Variants in EVX2 observed in about 807,000 individuals in gnomAD.
The protein encoded by EVX2 is even-skipped homeobox 2.
A neutral mutation model predicts 19.2 loss-of-function variants in EVX2; 10 were observed. That is an observed-to-expected ratio of 0.52 (90% CI 0.32 to 0.89). EVX2 has a LOEUF of 0.89. Among genes scored for constraint, EVX2 ranks in the 40% least tolerant of loss-of-function variants. The pLI, the probability that EVX2 is intolerant of heterozygous loss-of-function variation, is 0.03. For synonymous variants in EVX2, 354 were observed against 328.4 expected, an observed-to-expected ratio of 1.08 and a Z score of -0.84; for missense variants, 710 against 694.9, an observed-to-expected ratio of 1.02 and a Z score of -0.24.
rs897230731 is a variant in EVX2 at position 176,079,133 on chromosome 2, C to G, written c.*974G>C. The G allele has an allele frequency of 6.6e-6, 1 of 152,216 alleles. No homozygotes were observed. Among genetic ancestry groups the G allele is most frequent in the Non-Finnish European group, 1.5e-5 (1 of 68,088 alleles). The allele number at this position is 152,216 out of a possible 1,614,324, so 9.4% of individuals were successfully genotyped here. A position where few individuals can be genotyped will look rare whatever the true frequency, so the allele number is the denominator to read the frequency against. ...GATAATATTAATATATCTAGAGATTCAAGTATTTCCCAGATCGAGTGGAAC... is the reference window on the plus strand; with the variant it reads ...GATAATATTAATATATCTAGAGATTGAAGTATTTCCCAGATCGAGTGGAAC... On this transcript the variant is annotated 3_prime_UTR_variant, in exon 3 of 3. Coordinates refer to ENST00000308618, the MANE Select transcript of EVX2 (RefSeq NM_001080458.2). The surrounding 1 kb of genome is among the most constrained non-coding windows in gnomAD (Gnocchi z 4.4).
rs1189785093 is a variant in EVX2 at position 176,082,584 on chromosome 2, A to C, written c.428-135T>G. 1.0e-6 allele frequency: 1 copy of C among 965,988 alleles called. No homozygotes were observed. The highest frequency in any genetic ancestry group is 3.1e-5 in the East Asian group (1 of 32,654). 59.8% of individuals were successfully genotyped at this position (965,988 alleles called of 1,614,324 possible). On this transcript the variant is annotated intron_variant, in intron 1 of 2. Coordinates refer to ENST00000308618, the MANE Select transcript of EVX2 (RefSeq NM_001080458.2). The surrounding 1 kb of genome is among the most constrained non-coding windows in gnomAD (Gnocchi z 5.2). ...AATTGATGGGGTCTGTCATGCTTACAAATTGCTGCCGTTAATGGAATCAAT... is the reference window on the plus strand; with the variant it reads ...AATTGATGGGGTCTGTCATGCTTACCAATTGCTGCCGTTAATGGAATCAAT...
At position 176,083,660 on chromosome 2, in the gene EVX2, G is replaced by A. The variant is rs1689181634; in HGVS notation, c.117C>T (p.Ala39=). ...SNSAGNAVLE[A]LENSQHPARL... ...GAGCCGGGTGCTGCGAATTTTCCAG[G>A]GCCTCGAGCACAGCATTGCCAGCCG... Residue 39 remains alanine (A), a synonymous_variant, in exon 1 of 3, where the codon GCC becomes GCT. Coordinates refer to ENST00000308618, the MANE Select transcript of EVX2 (RefSeq NM_001080458.2). The surrounding 1 kb of genome is among the most constrained non-coding windows in gnomAD (Gnocchi z 4.4). 6.2e-7 allele frequency: 1 copy of A among 1,614,048 alleles called. No individual in the cohort carries two copies. The highest frequency in any genetic ancestry group is 1.1e-5 in the South Asian group (1 of 91,092).
At position 176,080,157 on chromosome 2, in the gene EVX2, TCTTA is replaced by T; in HGVS notation, c.1377_1380del (p.Ser459ArgfsTer4). 1 of 1,542,332 alleles carries T rather than the reference TCTTA, an allele frequency of 6.5e-7. No individual in the cohort carries two copies. Among genetic ancestry groups the T allele is most frequent in the Non-Finnish European group, 8.7e-7 (1 of 1,149,194 alleles). ...CTCTGGTCCGGCGGGCTCACGGCCG[TCTTA>T]CTAAGCACCGCGGCCGAGTAGGGCA... On this transcript the variant is annotated frameshift_variant, in exon 3 of 3. Coordinates refer to ENST00000308618, the MANE Select transcript of EVX2 (RefSeq NM_001080458.2). LOFTEE classifies it high-confidence loss of function. This position sits in a 1 kb window ranked among gnomAD's most constrained non-coding sequence, Gnocchi z 7.0.
In EVX2 at chr2:176,079,528, C is replaced by A. The variant is rs554915033; in HGVS notation, c.*579G>T. On this transcript the variant is annotated 3_prime_UTR_variant, in exon 3 of 3. Transcript: ENST00000308618. This position sits in a 1 kb window ranked among gnomAD's most constrained non-coding sequence, Gnocchi z 4.4. ...CGTCCTCCCGGCCTTATCAGACCTCCGTTCTCCCGCACTCTTCGGGCAGGG... is the reference window on the plus strand; with the variant it reads ...CGTCCTCCCGGCCTTATCAGACCTCAGTTCTCCCGCACTCTTCGGGCAGGG... 2 of 152,352 alleles carry A rather than the reference C, an allele frequency of 1.3e-5. No homozygotes were observed. Among genetic ancestry groups the A allele is most frequent in the African/African-American group, 4.8e-5 (2 of 41,464 alleles). The allele number at this position is 152,352 out of a possible 1,614,324, so 9.4% of individuals were successfully genotyped here.
At position 176,080,894 on chromosome 2, in the gene EVX2, C is replaced by T; in HGVS notation, c.700-56G>A. On this transcript the variant is annotated intron_variant, in intron 2 of 2. Coordinates refer to ENST00000308618, the MANE Select transcript of EVX2 (RefSeq NM_001080458.2). This position sits in a 1 kb window ranked among gnomAD's most constrained non-coding sequence, Gnocchi z 7.0. ...TAGGGAGCGCCCCGTGTTCCCAGCTCCTGTCCCAGGACCTCTGCCCCTTCC... is the reference window on the plus strand; with the variant it reads ...TAGGGAGCGCCCCGTGTTCCCAGCTTCTGTCCCAGGACCTCTGCCCCTTCC... The T allele has an allele frequency of 1.3e-6, 2 of 1,559,578 alleles. No individual in the cohort carries two copies.
rs1478220296 is a variant in EVX2 at position 176,082,522 on chromosome 2, TC to T, written c.428-74del. The T allele has an allele frequency of 4.6e-5, 68 of 1,476,024 alleles. No individual in the cohort carries two copies. The highest frequency in any genetic ancestry group is 5.4e-5 in the Non-Finnish European group (60 of 1,115,780). The allele number at this position is 1,476,024 out of a possible 1,614,324, so 91.4% of individuals were successfully genotyped here. On this transcript the variant is annotated intron_variant, in intron 1 of 2. Coordinates refer to ENST00000308618, the MANE Select transcript of EVX2 (RefSeq NM_001080458.2). This position sits in a 1 kb window ranked among gnomAD's most constrained non-coding sequence, Gnocchi z 5.2. ...GCCCGGCGCTGGCGCTGCGCGCGGATCGGGGAAGCCCCGTCAGGAAGGAGAG... is the reference window on the plus strand; with the variant it reads ...GCCCGGCGCTGGCGCTGCGCGCGGATGGGGAAGCCCCGTCAGGAAGGAGAG...
rs190025990 is a variant in EVX2, at chr2:176,078,472, G to C, written c.*1635C>G. On this transcript the variant is annotated 3_prime_UTR_variant, in exon 3 of 3. Coordinates refer to ENST00000308618, the MANE Select transcript of EVX2 (RefSeq NM_001080458.2). ...GAGGAGCCAAGTGGCTCTGCGGGGA[G>C]CATTATGGAAATATCTGGGCTTGAT... 1 of 152,140 alleles carries C rather than the reference G, an allele frequency of 6.6e-6. No homozygotes were observed. Among genetic ancestry groups the C allele is most frequent in the African/African-American group, 2.4e-5 (1 of 41,424 alleles). The allele number at this position is 152,140 out of a possible 1,614,324, so 9.4% of individuals were successfully genotyped here. A position where few individuals can be genotyped will look rare whatever the true frequency, so the allele number is the denominator to read the frequency against.
rs775354374 is a variant in EVX2 at position 176,080,143 on chromosome 2, C to A, written c.1395G>T (p.Pro465=). 5 of 1,548,090 alleles carry A rather than the reference C, an allele frequency of 3.2e-6. No homozygotes were observed. Among genetic ancestry groups the A allele is most frequent in the Non-Finnish European group, 3.5e-6 (4 of 1,151,838 alleles). ...AAVLSKTAVS[P]PDQRDEAPLT... ...GCGGAGCCTCGTCCCTCTGGTCCGG[C>A]GGGCTCACGGCCGTCTTACTAAGCA... The change falls in exon 3 of 3, where the codon CCG becomes CCT. Residue 465 remains proline (P), a synonymous_variant. Coordinates refer to ENST00000308618, the MANE Select transcript of EVX2 (RefSeq NM_001080458.2). This position sits in a 1 kb window ranked among gnomAD's most constrained non-coding sequence, Gnocchi z 7.0.
rs769032157 is a variant in EVX2, at chr2:176,080,881, C to T, written c.700-43G>A. On this transcript the variant is annotated intron_variant, in intron 2 of 2. Coordinates refer to ENST00000308618, the MANE Select transcript of EVX2 (RefSeq NM_001080458.2). The surrounding 1 kb of genome is among the most constrained non-coding windows in gnomAD (Gnocchi z 7.0). ...CCGCAGCCTGGGTTAGGGAGCGCCC[C>T]GTGTTCCCAGCTCCTGTCCCAGGAC... 1.2e-5 allele frequency: 19 copies of T among 1,574,936 alleles called. No homozygotes were observed. The highest frequency in any genetic ancestry group is 1.5e-5 in the Non-Finnish European group (17 of 1,162,912).
chr2:176,080,417 G>T lies in EVX2; in HGVS notation c.1121C>A (p.Ala374Glu). 1 of 1,077,810 alleles carries T rather than the reference G, an allele frequency of 9.3e-7. No individual in the cohort carries two copies. The highest frequency in any genetic ancestry group is 1.1e-6 in the Non-Finnish European group (1 of 891,064). The allele number at this position is 1,077,810 out of a possible 1,614,324, so 66.8% of individuals were successfully genotyped here. The change falls in exon 3 of 3, where the codon GCG becomes GAG. Residue 374 changes from alanine to glutamate, a missense_variant. Ala to Glu is a moderately radical substitution (Grantham distance 107). Transcript: ENST00000308618. This position sits in a 1 kb window ranked among gnomAD's most constrained non-coding sequence, Gnocchi z 7.0. ...AAAAAAASSAAAAGAPPSGGS... is the reference protein window; with the variant it reads ...AAAAAAASSAEAAGAPPSGGS... The stretch of plus-strand genomic sequence containing the variant: ...GCCGCTGGGGGGCGCGCCGGCCGCC[G>T]CCGCCGAGGAGGCCGCAGCCGCTGC...
In EVX2 at chr2:176,080,134, C is replaced by G; in HGVS notation, c.1404G>C (p.Gln468His). 8 of 1,550,622 alleles carry G rather than the reference C, an allele frequency of 5.2e-6. No individual in the cohort carries two copies. Among genetic ancestry groups the G allele is most frequent in the Non-Finnish European group, 5.2e-6 (6 of 1,152,884 alleles). ...ATCTGGTGAGCGGAGCCTCGTCCCT[C>G]TGGTCCGGCGGGCTCACGGCCGTCT... Reference protein sequence around the residue: ...LSKTAVSPPDQRDEAPLTR With the variant: ...LSKTAVSPPDHRDEAPLTR The change falls in exon 3 of 3, where the codon CAG becomes CAC. Residue 468 changes from glutamine (Q) to histidine (H), a missense_variant. Physicochemically the swap from Gln to His is conservative, Grantham distance 24. Coordinates refer to ENST00000308618, the MANE Select transcript of EVX2 (RefSeq NM_001080458.2). The surrounding 1 kb of genome is among the most constrained non-coding windows in gnomAD (Gnocchi z 7.0).
rs1488907245 is a variant in EVX2 at position 176,078,854 on chromosome 2, A to G, written c.*1253T>C. On this transcript the variant is annotated 3_prime_UTR_variant, in exon 3 of 3. Transcript: ENST00000308618. ...CATAATCTGCACATTATTAGCATCA[A>G]ACTTGACGTGGCAGTTAACACTAGT... 6.6e-6 allele frequency: 1 copy of G among 152,196 alleles called. No individual in the cohort carries two copies. Among genetic ancestry groups the G allele is most frequent in the Non-Finnish European group, 1.5e-5 (1 of 68,046 alleles). 9.4% of individuals were successfully genotyped at this position (152,196 alleles called of 1,614,324 possible). A position where few individuals can be genotyped will look rare whatever the true frequency, so the allele number is the denominator to read the frequency against.
rs919739247 is a variant in EVX2 at position 176,077,846 on chromosome 2, C to T, written c.*2261G>A. ...CCATATTTTGGTTTATTTTATTTAGCCTTAAATTATATATTAATATTTTTA... is the reference window on the plus strand; with the variant it reads ...CCATATTTTGGTTTATTTTATTTAGTCTTAAATTATATATTAATATTTTTA... On this transcript the variant is annotated 3_prime_UTR_variant, in exon 3 of 3. Transcript: ENST00000308618. The T allele has an allele frequency of 6.6e-6, 1 of 151,878 alleles. No individual in the cohort carries two copies. Among genetic ancestry groups the T allele is most frequent in the Admixed American group, 6.6e-5 (1 of 15,246 alleles). The allele number at this position is 151,878 out of a possible 1,614,324, so 9.4% of individuals were successfully genotyped here. A position where few individuals can be genotyped will look rare whatever the true frequency, so the allele number is the denominator to read the frequency against.
In EVX2 at chr2:176,082,285, C is replaced by T. The variant is rs760258661; in HGVS notation, c.592G>A (p.Glu198Lys). Residue 198 changes from glutamate to lysine, a missense_variant, in exon 2 of 3, where the codon GAG becomes AAG. Coordinates refer to ENST00000308618, the MANE Select transcript of EVX2 (RefSeq NM_001080458.2). The surrounding 1 kb of genome is among the most constrained non-coding windows in gnomAD (Gnocchi z 5.2). ...VRRYRTAFTR[E>K]QIARLEKEFY... ...TCCTTCTCCAGGCGCGCGATCTGCT[C>T]GCGGGTGAACGCCGTACGGTAGCGC... The T allele has an allele frequency of 4.4e-6, 7 of 1,601,676 alleles. No individual in the cohort carries two copies. Among genetic ancestry groups the T allele is most frequent in the Non-Finnish European group, 5.9e-6 (7 of 1,178,726 alleles).
chr2:176,079,084 A>C lies in EVX2; in HGVS notation c.*1023T>G, dbSNP rs566461377. 6.6e-6 allele frequency: 1 copy of C among 152,592 alleles called. No individual in the cohort carries two copies. Among genetic ancestry groups the C allele is most frequent in the African/African-American group, 2.4e-5 (1 of 41,586 alleles). 9.5% of individuals were successfully genotyped at this position (152,592 alleles called of 1,614,324 possible). On this transcript the variant is annotated 3_prime_UTR_variant, in exon 3 of 3. Transcript: ENST00000308618. This position sits in a 1 kb window ranked among gnomAD's most constrained non-coding sequence, Gnocchi z 4.4. ...GGGACATAGAGAGTTCTAACTTAGA[A>C]AAGTGTCTAAGGAAATGCTTTAGGA... is the stretch of plus-strand genomic sequence containing the variant.
chr2:176,082,489 G>A lies in EVX2; in HGVS notation c.428-40C>T, dbSNP rs774309344. 107 of 1,498,328 alleles carry A rather than the reference G, an allele frequency of 7.1e-5. No homozygotes were observed. The South Asian group carries it at 1.1e-3, about 15-fold the overall frequency. 92.8% of individuals were successfully genotyped at this position (1,498,328 alleles called of 1,614,324 possible). On this transcript the variant is annotated intron_variant, in intron 1 of 2. Coordinates refer to ENST00000308618, the MANE Select transcript of EVX2 (RefSeq NM_001080458.2). The surrounding 1 kb of genome is among the most constrained non-coding windows in gnomAD (Gnocchi z 5.2). ...ACCAACAGCGCATGAGTGGCTGTAG[G>A]ACCAACAGCCCGGCGCTGGCGCTGC...
chr2:176,083,940 G>C lies in EVX2; in HGVS notation c.-164C>G. On this transcript the variant is annotated 5_prime_UTR_variant, in exon 1 of 3. Transcript: ENST00000308618. The surrounding 1 kb of genome is among the most constrained non-coding windows in gnomAD (Gnocchi z 4.4). Reference sequence around the variant, plus strand: ...GGGATGCCAGAGCGAGGGAATGACTGGTCAAAATGACCCATACATCCTTCC... The same window carrying C: ...GGGATGCCAGAGCGAGGGAATGACTCGTCAAAATGACCCATACATCCTTCC... 1.6e-6 allele frequency: 1 copy of C among 631,668 alleles called. No individual in the cohort carries two copies. The highest frequency in any genetic ancestry group is 2.7e-6 in the Non-Finnish European group (1 of 366,344). The allele number at this position is 631,668 out of a possible 1,614,324, so 39.1% of individuals were successfully genotyped here.
At position 176,081,742 on chromosome 2, in the gene EVX2, TA is replaced by T. The variant is rs1310301472; in HGVS notation, c.699+435del. 6.6e-6 allele frequency among the ~76,000 whole-genome samples: 1 copy of T among 152,218 alleles called. No homozygotes were observed. The highest frequency in any genetic ancestry group is 2.4e-5 in the African/African-American group (1 of 41,460). On this transcript the variant is annotated intron_variant, in intron 2 of 2. Coordinates refer to ENST00000308618, the MANE Select transcript of EVX2 (RefSeq NM_001080458.2). The surrounding 1 kb of genome is among the most constrained non-coding windows in gnomAD (Gnocchi z 5.9). ...ACTACTGTCTCAAACCAATCGATTT[TA>T]AAGATACAGTATCCTTTTCTCCGTG... is the stretch of plus-strand genomic sequence containing the variant.
In EVX2 at chr2:176,079,011, A is replaced by G. The variant is rs1380613975; in HGVS notation, c.*1096T>C. The G allele has an allele frequency of 2.6e-5, 4 of 152,478 alleles. No individual in the cohort carries two copies. Among genetic ancestry groups the G allele is most frequent in the African/African-American group, 9.6e-5 (4 of 41,476 alleles). The allele number at this position is 152,478 out of a possible 1,614,324, so 9.4% of individuals were successfully genotyped here. On this transcript the variant is annotated 3_prime_UTR_variant, in exon 3 of 3. Coordinates refer to ENST00000308618, the MANE Select transcript of EVX2 (RefSeq NM_001080458.2). The surrounding 1 kb of genome is among the most constrained non-coding windows in gnomAD (Gnocchi z 4.4). ...ATAGACATGCGTGAGAAATATGCCA[A>G]GAACCATTTCACCCGAGGAAAAGGA...
Sources: gnomAD v4.1 joint callset for allele counts (sites outside exome capture counted in the v4.1 genomes callset) on GRCh38, gnomAD v4.1.1 for gene constraint, Gnocchi (gnomAD v3.1) non-coding constraint, MANE v1.5 for transcripts, NCBI Gene and HGNC (gene_info 2026-07-23, HGNC 2026-07-21) for gene names.